The following NLGN4X variants were observed in gnomAD, a reference collection of about 807,000 sequenced individuals.
NLGN4X encodes neuroligin 4 X-linked, also known as neuroligin-4, X-linked.
NLGN4X carries 3 observed loss-of-function variants against 40.3 expected under a neutral mutation model. The observed-to-expected ratio is 0.07, with a 90% CI of 0.03 to 0.19. The LOEUF is 0.19. Ranked by LOEUF, NLGN4X falls within the 10% of genes least tolerant of loss-of-function variation. The pLI, the probability that NLGN4X is intolerant of heterozygous loss-of-function variation, is 1.00. For synonymous variants in NLGN4X, 270 were observed against 306.8 expected, an observed-to-expected ratio of 0.88 and a Z score of 1.25; for missense variants, 382 against 708.3, an observed-to-expected ratio of 0.54 and a Z score of 5.23.
intron 2 of NLGN4X, among the ~76,000 whole-genome samples, chrX:6,031,228 A>G (rs778782793): frequency 6.8e-4 from 76 of 112,239 alleles, no homozygotes; most frequent in Admixed American, 2.0e-3. Flanking sequence ...AACAGGATAC[A>G]AATTAGAGCA....
At chrX:5,932,995 T>C (rs1371771763) in intron 3 of NLGN4X, among the ~76,000 whole-genome samples, 1 of 110,969 alleles carries the variant, frequency 9.0e-6, no homozygotes, top group Non-Finnish European at 1.9e-5. Context: ...GAGCTATGAA[T>C]GAATAGGAAT....
chrX:6,064,875 A>G (rs1355226147), intron 2 of NLGN4X, among the ~76,000 whole-genome samples: 3 of 111,519 alleles, frequency 2.7e-5, no homozygotes, highest in African/African-American at 9.8e-5. Flanking sequence ...ATGGCCATCA[A>G]CGGTGAACTG....
At chrX:6,143,570 CT>C (rs947905661) in intron 2 of NLGN4X, among the ~76,000 whole-genome samples, 3 of 112,580 alleles carry the variant, frequency 2.7e-5, no homozygotes, top group Non-Finnish European at 3.7e-5. Flanking sequence ...TCTGTTATAG[CT>C]TCCTGAAAAA....
At chrX:6,075,003 GA>G (rs1003873350) in intron 2 of NLGN4X, among the ~76,000 whole-genome samples, 2 of 111,615 alleles carry the variant, frequency 1.8e-5, no homozygotes, top group African/African-American at 6.5e-5. Context: ...GATGACTAGG[GA>G]AAAAAGGATG....
At chrX:6,160,509 T>C (rs1002980036) in intron 1 of NLGN4X, among the ~76,000 whole-genome samples, 2 of 105,805 alleles carry the variant, frequency 1.9e-5, no homozygotes, top group African/African-American at 7.0e-5. Context: ...TAACTTATCA[T>C]ATATGAAATT....
intron 1 of NLGN4X, among the ~76,000 whole-genome samples, chrX:6,204,493 A>G (rs1270786321): frequency 8.9e-6 from 1 of 112,219 alleles, no homozygotes; most frequent in Admixed American, 9.5e-5. Flanking sequence ...GTAGAGCACA[A>G]CTGGATGACA....
intron 1 of NLGN4X, among the ~76,000 whole-genome samples, chrX:6,225,802 A>G (rs1425572587): frequency 2.1e-5 from 2 of 94,120 alleles, no homozygotes; most frequent in Non-Finnish European, 4.1e-5. Flanking sequence ...AAGAAAATAT[A>G]ATGCAACGCG....
chrX:5,890,835 CTT>C lies in NLGN4X; in HGVS notation c.*1980_*1981del, dbSNP rs772072707. 2.3e-5 allele frequency: 7 copies of C among 310,014 alleles called. No homozygotes were observed. The highest frequency in any genetic ancestry group is 3.0e-5 in the Non-Finnish European group (5 of 164,046). The allele number at this position is 310,014 out of a possible 1,213,427, so 25.5% of individuals were successfully genotyped here. ...TGACTTGTACGCATTTCTAAAAACA[CTT>C]TTCTTTTTTCTAGAGGTCACTCTCA... On this transcript the variant is annotated 3_prime_UTR_variant, in exon 6 of 6. Coordinates refer to ENST00000381095, the MANE Select transcript of NLGN4X (RefSeq NM_181332.3).
At chrX:5,908,757 A>C (rs746778985) in intron 4 of NLGN4X, among the ~76,000 whole-genome samples, 4 of 111,911 alleles carry the variant, frequency 3.6e-5, no homozygotes, top group Non-Finnish European at 1.9e-5. Context: ...AAAAAATTTT[A>C]AAAAGCAGCC....
chrX:5,956,924 G>C (rs1243769656), intron 3 of NLGN4X, among the ~76,000 whole-genome samples: 4 of 111,112 alleles, frequency 3.6e-5, no homozygotes, highest in Non-Finnish European at 7.5e-5. Flanking sequence ...ATTTTTTATT[G>C]GTGTTGTGTG....
intron 3 of NLGN4X, 138 bp downstream of exon 3, chrX:6,029,142 C>G: frequency 1.4e-6 from 1 of 712,236 alleles, no homozygotes. Context: ...CATATCCAAT[C>G]ACATAAAGTA....
At chrX:5,915,246 G>A (rs922286290) in intron 3 of NLGN4X, among the ~76,000 whole-genome samples, 9 of 111,114 alleles carry the variant, frequency 8.1e-5, no homozygotes, top group African/African-American at 2.6e-4. Flanking sequence ...CAAACTCTGG[G>A]GCCTATGAAC....
intron 3 of NLGN4X, among the ~76,000 whole-genome samples, chrX:5,918,200 T>C (rs773567136): frequency 9.2e-4 from 102 of 111,273 alleles, no homozygotes; most frequent in Non-Finnish European, 1.6e-3. Flanking sequence ...AATGAGACTA[T>C]TTTAAAACTC....
chrX:5,952,228 G>C (rs904606432), intron 3 of NLGN4X, among the ~76,000 whole-genome samples: 2 of 111,717 alleles, frequency 1.8e-5, no homozygotes, highest in Non-Finnish European at 3.8e-5. Flanking sequence ...CTTGGAAGAC[G>C]AGGAGATGGT....
At position 6,150,150 on chromosome X, in the gene NLGN4X, G is replaced by A. The variant is rs114910836; in HGVS notation, c.472+845C>T. On this transcript the variant is annotated intron_variant, in intron 2 of 5. Transcript: ENST00000381095. ...TTGTTCTTTCTCCTCATCTAAAAAC[G>A]GCATATGGAAATGCTAACTGGGAAA... is the stretch of plus-strand genomic sequence containing the variant. Among the ~76,000 whole-genome samples, 364 of 111,102 alleles carry A rather than the reference G, an allele frequency of 3.3e-3. 2 individuals are homozygous for A. The highest frequency in any genetic ancestry group is 0.011 in the African/African-American group (339 of 30,639).
chrX:6,221,149 G>T (rs1469337440), intron 1 of NLGN4X, among the ~76,000 whole-genome samples: 2 of 105,983 alleles, frequency 1.9e-5, no homozygotes, highest in East Asian at 5.9e-4. Flanking sequence ...GGAGTACACT[G>T]GCGTAATCAT....
intron 2 of NLGN4X, among the ~76,000 whole-genome samples, chrX:6,088,921 C>T (rs145398141): frequency 2.8e-3 from 312 of 111,408 alleles, no homozygotes; most frequent in African/African-American, 9.7e-3. Context: ...TTTTTCCTTG[C>T]ATAAAGCAGA....
At chrX:6,100,914 C>T (rs1174481976) in intron 2 of NLGN4X, among the ~76,000 whole-genome samples, 1 of 111,249 alleles carries the variant, frequency 9.0e-6, no homozygotes, top group African/African-American at 3.3e-5. Context: ...CCTCATCCTT[C>T]TCAATGTCAT....
intron 3 of NLGN4X, among the ~76,000 whole-genome samples, chrX:5,963,309 A>G: frequency 9.0e-6 from 1 of 111,546 alleles, no homozygotes. Flanking sequence ...GCCATTGCAC[A>G]ATGAAAGAAA....
Sources: allele counts gnomAD v4.1 joint callset (sites outside exome capture counted in the v4.1 genomes callset), GRCh38; gene constraint gnomAD v4.1.1; transcripts MANE v1.5; gene names NCBI Gene and HGNC (gene_info 2026-07-23, HGNC 2026-07-21).